Variants in UBN2 observed in about 807,000 individuals in gnomAD.
UBN2 encodes ubinuclein-2.
Under a neutral mutation model 120.2 loss-of-function variants are expected in UBN2, and 35 were observed. The observed-to-expected ratio is 0.29, with a 90% confidence interval of 0.22 to 0.39. The LOEUF is 0.39. UBN2 is among the 10% of genes least tolerant of loss of function. The pLI, the probability that UBN2 is intolerant of heterozygous loss-of-function variation, is 1.00. For synonymous variants in UBN2, 661 were observed against 648.7 expected (o/e 1.02, Z -0.29); for missense variants, 1,693 against 1,663.2 (o/e 1.02, Z -0.31).
At chr7:139,295,050 T>C (rs1330573823) in intron 17 of UBN2, among the ~76,000 whole-genome samples, 1 of 152,088 alleles carries the variant, frequency 6.6e-6, no homozygotes, top group African/African-American at 2.4e-5. Context: ...AATAACTGCT[T>C]AGCTGCCCTC....
chr7:139,313,236 T>G (rs1798470829), downstream of UBN2, among the ~76,000 whole-genome samples: 1 of 152,210 alleles, frequency 6.6e-6, no homozygotes. Context: ...ATATAGTGGT[T>G]TAAGAAGAAT....
At chr7:139,285,423 A>G (rs1467161257) in intron 15 of UBN2, among the ~76,000 whole-genome samples, 1 of 152,242 alleles carries the variant, frequency 6.6e-6, no homozygotes, top group Non-Finnish European at 1.5e-5. Context: ...ACACTTGAGT[A>G]GGCGTAGCCT....
chr7:139,323,566 T>A, the UBN2 span, among the ~76,000 whole-genome samples: 1 of 94,630 alleles, frequency 1.1e-5, no homozygotes, highest in Admixed American at 1.5e-4. Context: ...ATTATTATTA[T>A]TATTATTATT....
Position 139,273,966 on chromosome 7 carries a change from G to T in UBN2, c.1865G>T (p.Gly622Val). Residue 622 changes from glycine to valine, a missense_variant, in exon 11 of 18, where the codon GGA (glycine) becomes GTA (valine). Coordinates refer to ENST00000473989, the MANE Select transcript of UBN2 (RefSeq NM_173569.4). Reference sequence around the variant, plus strand: ...TGTAACCTTGTTGAGATCAAATTGGGATGCTATGAGTTAGAACCAAATAAA... The same window carrying T: ...TGTAACCTTGTTGAGATCAAATTGGTATGCTATGAGTTAGAACCAAATAAA... ...LLCNLVEIKL[G>V]CYELEPNKSQ... 6.2e-7 allele frequency: 1 copy of T among 1,612,420 alleles called. No homozygotes were observed. Among genetic ancestry groups the T allele is most frequent in the Non-Finnish European group, 8.5e-7 (1 of 1,179,526 alleles).
intron 9 of UBN2, among the ~76,000 whole-genome samples, chr7:139,272,793 C>T (rs1797323954): frequency 6.6e-6 from 1 of 152,180 alleles, no homozygotes; most frequent in East Asian, 1.9e-4. Context: ...TCCCAAAGTG[C>T]TGGGATTACA....
chr7:139,239,551 C>A, intron 2 of UBN2, among the ~76,000 whole-genome samples: 2 of 94,566 alleles, frequency 2.1e-5, no homozygotes. Flanking sequence ...ATTAGAGTGT[C>A]TTTTTTTTTT....
At chr7:139,240,366 A>G (rs1039215522) in intron 2 of UBN2, among the ~76,000 whole-genome samples, 3 of 149,600 alleles carry the variant, frequency 2.0e-5, no homozygotes, top group Admixed American at 6.7e-5. Flanking sequence ...AGCCTAAGCA[A>G]TCCACCTGCC....
chr7:139,263,429 T>C (rs903530846), intron 6 of UBN2, among the ~76,000 whole-genome samples: 2 of 152,134 alleles, frequency 1.3e-5, no homozygotes, highest in Non-Finnish European at 2.9e-5. Context: ...TTGAGACTTA[T>C]CAGTTGGTTG....
chr7:139,322,432 G>T, the UBN2 span, among the ~76,000 whole-genome samples: 1 of 152,204 alleles, frequency 6.6e-6, no homozygotes, highest in African/African-American at 2.4e-5. Flanking sequence ...AAGCAAAGTT[G>T]CTTTTTGTTC....
rs1463507136 is a variant in UBN2, at chr7:139,303,685, TATC to T, written c.*5853_*5855del. 5.3e-5 allele frequency: 8 copies of T among 152,204 alleles called. No individual in the cohort carries two copies. The highest frequency in any genetic ancestry group is 1.2e-4 in the Non-Finnish European group (8 of 68,034). The allele number at this position is 152,204 out of a possible 1,614,324, so 9.4% of individuals were successfully genotyped here. On this transcript the variant is annotated 3_prime_UTR_variant, in exon 18 of 18. Coordinates refer to ENST00000473989, the MANE Select transcript of UBN2 (RefSeq NM_173569.4). ...TGTCCTATATAATTAAAAATAGTATTATCATCTTCCTGCAGAGGCTAAAAAATG... is the reference window on the plus strand; with the variant it reads ...TGTCCTATATAATTAAAAATAGTATTATCTTCCTGCAGAGGCTAAAAAATG...
intron 1 of UBN2, among the ~76,000 whole-genome samples, chr7:139,236,296 A>G (rs903654425): frequency 6.6e-6 from 1 of 152,100 alleles, no homozygotes; most frequent in Non-Finnish European, 1.5e-5. Context: ...TTTTGCAGCT[A>G]TTTCTCTTTT....
At chr7:139,271,967 G>T (rs559425555) in intron 8 of UBN2, among the ~76,000 whole-genome samples, 1 of 152,310 alleles carries the variant, frequency 6.6e-6, no homozygotes, top group Admixed American at 6.5e-5. Flanking sequence ...CATCACAATG[G>T]AAATTAACCA....
chr7:139,316,242 T>C, the UBN2 span, among the ~76,000 whole-genome samples: 2 of 152,062 alleles, frequency 1.3e-5, no homozygotes, highest in Non-Finnish European at 2.9e-5. Context: ...ACTAATAGTA[T>C]TGAACATCTT....
intron 2 of UBN2, among the ~76,000 whole-genome samples, chr7:139,247,777 T>C (rs1796511124): frequency 6.6e-6 from 1 of 152,174 alleles, no homozygotes; most frequent in Non-Finnish European, 1.5e-5. Flanking sequence ...TTCCCCATAC[T>C]AGTAGTCAGA....
intron 17 of UBN2, among the ~76,000 whole-genome samples, chr7:139,295,503 T>A (rs748067660): frequency 7.9e-5 from 12 of 152,200 alleles, no homozygotes; most frequent in Non-Finnish European, 1.6e-4. Context: ...TTCTTGTGGC[T>A]CAAAAAGACC....
At chr7:139,241,979 A>C (rs1409809052) in intron 2 of UBN2, among the ~76,000 whole-genome samples, 1 of 152,084 alleles carries the variant, frequency 6.6e-6, no homozygotes, top group Non-Finnish European at 1.5e-5. Flanking sequence ...GCCTGGCGAC[A>C]AGAGCGAGAA....
chr7:139,294,072 C>T (rs1798040938), intron 17 of UBN2, 91 bp downstream of exon 17: 1 of 1,381,492 alleles, frequency 7.2e-7, no homozygotes, highest in Non-Finnish European at 1.0e-6. Context: ...AATGGAATGA[C>T]AAAGGTTGGA....
At chr7:139,329,695 G>T in the UBN2 span, among the ~76,000 whole-genome samples, 1 of 151,948 alleles carries the variant, frequency 6.6e-6, no homozygotes, top group Non-Finnish European at 1.5e-5. Flanking sequence ...GGATGCCTTG[G>T]AACGTCTTGT....
At position 139,297,962 on chromosome 7, in the gene UBN2, G is replaced by A. The variant is rs553740977; in HGVS notation, c.*126G>A. ...TTTACATTCTCTCGTCCCAAGCACT[G>A]TGGTGAGGAGGAAAAAGAAAAGAAA... On this transcript the variant is annotated 3_prime_UTR_variant, in exon 18 of 18. Coordinates refer to ENST00000473989, the MANE Select transcript of UBN2 (RefSeq NM_173569.4). 3.0e-6 allele frequency: 3 copies of A among 1,015,794 alleles called. No individual in the cohort carries two copies. The highest frequency in any genetic ancestry group is 4.4e-6 in the Non-Finnish European group (3 of 678,330). The allele number at this position is 1,015,794 out of a possible 1,614,324, so 62.9% of individuals were successfully genotyped here. A position where few individuals can be genotyped will look rare whatever the true frequency, so the allele number is the denominator to read the frequency against.
Sources: gnomAD v4.1 joint callset for allele counts (sites outside exome capture counted in the v4.1 genomes callset) on GRCh38, gnomAD v4.1.1 for gene constraint, MANE v1.5 for transcripts, NCBI Gene and HGNC (gene_info 2026-07-23, HGNC 2026-07-21) for gene names.